USP24: variants seen among roughly 807,000 people sequenced by gnomAD.
USP24 encodes ubiquitin carboxyl-terminal hydrolase 24.
USP24 carries 97 observed loss-of-function variants against 361.6 expected under a neutral mutation model. The ratio of observed to expected loss-of-function variants is 0.27; its 90% CI spans 0.23 to 0.32. The LOEUF (loss-of-function observed/expected upper bound fraction) is 0.32, where lower values mean the gene tolerates loss of function less well. USP24 is among the 10% of genes least tolerant of loss of function. The probability of loss-of-function intolerance (pLI) is 1.00; values close to 1 mark genes in which losing one functional copy is unlikely to be tolerated. For synonymous variants in USP24, 1,098 were observed against 1,124.6 expected, an observed-to-expected ratio of 0.98 and a Z score of 0.47; for missense variants, 2,353 against 3,165.6, an observed-to-expected ratio of 0.74 and a Z score of 6.16.
chr1:55,072,203 T>G, intron 66 of USP24, 114 bp downstream of exon 66: 1 of 810,086 alleles, frequency 1.2e-6, no homozygotes, highest in Non-Finnish European at 2.0e-6. Flanking sequence ...TTTCTTCTGC[T>G]TGTTCTCATC....
chr1:55,133,626 T>TTC (rs72108685), intron 30 of USP24, among the ~76,000 whole-genome samples: 2 of 145,750 alleles, frequency 1.4e-5, no homozygotes, highest in African/African-American at 2.5e-5. Flanking sequence ...GCAAAGGTAT[T>TTC]TCTCTCTCTC....
intron 39 of USP24, among the ~76,000 whole-genome samples, chr1:55,107,639 C>T (rs1166352203): frequency 4.0e-5 from 6 of 151,818 alleles, no homozygotes; most frequent in Admixed American, 2.0e-4. Context: ...GTCAGGAGTT[C>T]GAGACCAGCC....
chr1:55,203,698 T>C (rs1034954389), intron 1 of USP24, among the ~76,000 whole-genome samples: 1 of 152,232 alleles, frequency 6.6e-6, no homozygotes, highest in African/African-American at 2.4e-5. Flanking sequence ...ACCACAGGCA[T>C]GTTCTATACT....
chr1:55,181,047 T>C (rs1315512742), intron 1 of USP24, among the ~76,000 whole-genome samples: 3 of 149,576 alleles, frequency 2.0e-5, no homozygotes, highest in Non-Finnish European at 3.0e-5. Flanking sequence ...GCACACTAGT[T>C]TGTATTTTTT....
Position 55,206,703 on chromosome 1 carries a change from G to A in USP24, c.324+8087C>T, listed in dbSNP as rs577100106. Among the ~76,000 whole-genome samples the A allele has an allele frequency of 2.7e-5, 4 of 146,960 alleles. No individual in the cohort carries two copies. In the South Asian group the frequency reaches 8.6e-4, roughly 31 times the overall value. ...CGGGGGGGCATGAGCCAAAACCAGA[G>A]TAGTAACAGTGAGGATAGAGGGAAG... On this transcript the variant is annotated intron_variant, in intron 1 of 67. Coordinates refer to ENST00000294383, the MANE Select transcript of USP24 (RefSeq NM_015306.3).
At chr1:55,191,313 A>C (rs1049869412) in intron 1 of USP24, among the ~76,000 whole-genome samples, 3 of 152,070 alleles carry the variant, frequency 2.0e-5, no homozygotes, top group African/African-American at 7.2e-5. Flanking sequence ...TAAATATGTA[A>C]TTTTTTTATG....
rs988917338 is a variant in USP24 at position 55,134,123 on chromosome 1, T to C, written c.3328A>G (p.Thr1110Ala). ...RVRKLLLLIP[T>A]DPAIQEALDQ... ...AGGGCTTCCTGAATGGCTGGATCAG[T>C]GGGTATCAAGAGCAGAAGCTTCCGT... Residue 1110 changes from threonine to alanine, a missense_variant, in exon 30 of 68, where the codon ACT (threonine) becomes GCT (alanine). Coordinates refer to ENST00000294383, the MANE Select transcript of USP24 (RefSeq NM_015306.3). The C allele has an allele frequency of 6.2e-7, 1 of 1,613,764 alleles. No individual in the cohort carries two copies. Among genetic ancestry groups the C allele is most frequent in the Non-Finnish European group, 8.5e-7 (1 of 1,179,796 alleles).
At chr1:55,078,197 AAC>A (rs1645069739) in intron 61 of USP24, among the ~76,000 whole-genome samples, 1 of 152,224 alleles carries the variant, frequency 6.6e-6, no homozygotes, top group Non-Finnish European at 1.5e-5. Context: ...ATATCAATGT[AAC>A]AGTGTTGGTC....
chr1:55,208,778 A>G (rs1465179312), intron 1 of USP24, among the ~76,000 whole-genome samples: 5 of 151,956 alleles, frequency 3.3e-5, no homozygotes, highest in Non-Finnish European at 7.4e-5. Flanking sequence ...TCTACTAAAA[A>G]TACAAAAATT....
Position 55,171,117 on chromosome 1 carries a change from T to A in USP24, c.825+439A>T, listed in dbSNP as rs528007679. Among the ~76,000 whole-genome samples, 14 of 152,306 alleles carry A rather than the reference T, an allele frequency of 9.2e-5. No homozygotes were observed. The South Asian group carries it at 2.9e-3, about 32-fold the overall frequency. ...CAGACTGTAGTCTTTTGATATAAAA[T>A]ATACTGGTTCCAGGCCTGAAAAAGC... On this transcript the variant is annotated intron_variant, in intron 5 of 67. Transcript: ENST00000294383.
In USP24 at chr1:55,068,764, G is replaced by A; in HGVS notation, c.*281C>T. 4.8e-6 allele frequency: 2 copies of A among 413,222 alleles called. No homozygotes were observed. The highest frequency in any genetic ancestry group is 6.1e-5 in the South Asian group (1 of 16,342). The allele number at this position is 413,222 out of a possible 1,614,324, so 25.6% of individuals were successfully genotyped here. ...TCGTGTAACAAAAAAGTCTGCCACT[G>A]GCTCTATTTCCGAAAATCTCCACAG... On this transcript the variant is annotated 3_prime_UTR_variant, in exon 68 of 68. Coordinates refer to ENST00000294383, the MANE Select transcript of USP24 (RefSeq NM_015306.3).
intron 1 of USP24, among the ~76,000 whole-genome samples, chr1:55,213,942 T>C (rs964815829): frequency 2.6e-5 from 4 of 151,756 alleles, no homozygotes; most frequent in Non-Finnish European, 4.4e-5. Flanking sequence ...ATGACTACCA[T>C]CTCTTTCCCC....
chr1:55,101,432 C>T (rs1260537119), intron 43 of USP24, among the ~76,000 whole-genome samples, 152 bp downstream of exon 43: 2 of 151,090 alleles, frequency 1.3e-5, no homozygotes, highest in Admixed American at 1.3e-4. Context: ...TGATTATACA[C>T]AACATGTCTT....
At chr1:55,167,265 A>C (rs980353376) in intron 5 of USP24, among the ~76,000 whole-genome samples, 1 of 152,180 alleles carries the variant, frequency 6.6e-6, no homozygotes, top group Non-Finnish European at 1.5e-5. Context: ...GTGGTCATGA[A>C]AGACTTCTCT....
chr1:55,201,658 C>G (rs1319353239), intron 1 of USP24, among the ~76,000 whole-genome samples: 1 of 88,566 alleles, frequency 1.1e-5, no homozygotes, highest in Non-Finnish European at 2.3e-5. Flanking sequence ...GACAAAGGAA[C>G]AATGCCAATG....
At chr1:55,120,430 C>G (rs1646247202) in intron 38 of USP24, among the ~76,000 whole-genome samples, 166 bp downstream of exon 38, 1 of 152,142 alleles carries the variant, frequency 6.6e-6, no homozygotes, top group Admixed American at 6.5e-5. Context: ...GGTAGTGTTT[C>G]TTCTAACTCT....
At chr1:55,165,601 A>G (rs997019682) in intron 7 of USP24, among the ~76,000 whole-genome samples, 2 of 152,166 alleles carry the variant, frequency 1.3e-5, no homozygotes, top group Admixed American at 1.3e-4. Flanking sequence ...TGCCACATAT[A>G]GCAACCAACT....
chr1:55,098,412 C>T, intron 46 of USP24, 64 bp downstream of exon 46: 2 of 1,417,116 alleles, frequency 1.4e-6, no homozygotes, highest in Non-Finnish European at 2.0e-6. Context: ...AAATTTACAA[C>T]ATACTAAACA....
intron 1 of USP24, among the ~76,000 whole-genome samples, chr1:55,184,965 A>ATT (rs147392101): frequency 1.3e-5 from 2 of 149,508 alleles, no homozygotes; most frequent in Admixed American, 1.3e-4. Flanking sequence ...TTTTATTTTT[A>ATT]TTTTTTTTTT....
Sources: gnomAD v4.1 joint callset for allele counts (sites outside exome capture counted in the v4.1 genomes callset) on GRCh38, gnomAD v4.1.1 for gene constraint, MANE v1.5 for transcripts, NCBI Gene and HGNC (gene_info 2026-07-23, HGNC 2026-07-21) for gene names.